The following ARHGEF4 variants were observed in gnomAD, a reference collection of about 807,000 sequenced individuals.
The protein encoded by ARHGEF4 is Rho guanine nucleotide exchange factor 4, also known as APC-stimulated guanine nucleotide exchange factor 1.
ARHGEF4 carries 119 observed loss-of-function variants against 162.0 expected under a neutral mutation model. The ratio of observed to expected loss-of-function variants is 0.73; its 90% CI spans 0.63 to 0.86. ARHGEF4 has a LOEUF of 0.86. Ranked by LOEUF, ARHGEF4 falls within the 40% of genes least tolerant of loss-of-function variation. The probability of loss-of-function intolerance (pLI) is 0.00; values close to 1 mark genes in which losing one functional copy is unlikely to be tolerated. For synonymous variants in ARHGEF4, 1,014 were observed against 979.9 expected (o/e 1.03, Z -0.65); for missense variants, 2,488 against 2,456.0 (o/e 1.01, Z -0.28).
chr2:130,947,284 C>T (rs1252437963), intron 4 of ARHGEF4: 1 of 152,182 alleles, frequency 6.6e-6, no homozygotes, highest in East Asian at 1.9e-4. Context: ...ATCTCAGCTA[C>T]TCAGAGGGAT....
At chr2:131,006,374 T>G (rs1381482706) in intron 4 of ARHGEF4, among the ~76,000 whole-genome samples, 2 of 152,186 alleles carry the variant, frequency 1.3e-5, no homozygotes, top group Non-Finnish European at 2.9e-5. Flanking sequence ...AGCCTCTAAA[T>G]GCAGGGTAAT....
At chr2:131,041,679 G>A (rs1558897706) in intron 9 of ARHGEF4, 136 bp from the exon 10 acceptor site, 1 of 1,283,044 alleles carries the variant, frequency 7.8e-7, no homozygotes, top group East Asian at 2.3e-5. Context: ...GAGAGGGGCT[G>A]TGCATCTGAT....
At chr2:130,893,327 C>A (rs1679968794) in intron 1 of ARHGEF4, among the ~76,000 whole-genome samples, 1 of 152,210 alleles carries the variant, frequency 6.6e-6, no homozygotes. Context: ...CTTGTCTGAG[C>A]CCCGTCCTGT....
rs886239736 is a variant in ARHGEF4 at position 130,859,329 on chromosome 2, A to G, written c.39+22337A>G. On this transcript the variant is annotated intron_variant, in intron 1 of 13. Transcript: ENST00000409359. ...CTTGAACTCAGGAAGCGGAGGTTGC[A>G]GTGAGCCATGATCGTGCCACTGTAC... is the stretch of plus-strand genomic sequence containing the variant. Among the ~76,000 whole-genome samples the G allele has an allele frequency of 2.6e-3, 198 of 75,520 alleles. 9 individuals carry two copies. The highest frequency in any genetic ancestry group is 6.4e-3 in the African/African-American group (195 of 30,354). The allele number at this position is 75,520 out of a possible 152,430, so 49.5% of individuals were successfully genotyped here. A position where few individuals can be genotyped will look rare whatever the true frequency, so the allele number is the denominator to read the frequency against.
At chr2:130,867,479 GCCCGCCTTAGCCT>G (rs1682369531) in intron 1 of ARHGEF4, among the ~76,000 whole-genome samples, 1 of 151,928 alleles carries the variant, frequency 6.6e-6, no homozygotes, top group Non-Finnish European at 1.5e-5. Context: ...CTCGTGATCT[GCCCGCCTTAGCCT>G]CCCAAAGTGC....
At chr2:130,837,089 C>T in intron 1 of ARHGEF4, 97 bp downstream of exon 1, 1 of 1,117,834 alleles carries the variant, frequency 8.9e-7, no homozygotes, top group East Asian at 3.3e-5. Flanking sequence ...CCCGGGCCGT[C>T]CCCTGGGCAC....
chr2:130,982,547 T>G (rs1686187694), intron 4 of ARHGEF4, among the ~76,000 whole-genome samples: 1 of 152,018 alleles, frequency 6.6e-6, no homozygotes, highest in African/African-American at 2.4e-5. Context: ...TTTTTCTTCC[T>G]TCTTTTTTCG....
chr2:130,895,684 G>A (rs1680111099), intron 1 of ARHGEF4, among the ~76,000 whole-genome samples: 1 of 151,858 alleles, frequency 6.6e-6, no homozygotes, highest in Admixed American at 6.5e-5. Context: ...GCTTTTTTTG[G>A]GTTGTTCATC....
At chr2:131,009,587 T>C (rs181955727) in intron 4 of ARHGEF4, among the ~76,000 whole-genome samples, 1 of 152,334 alleles carries the variant, frequency 6.6e-6, no homozygotes, top group Admixed American at 6.5e-5. Context: ...TATTCGTCTG[T>C]CTTCAAGCTG....
intron 1 of ARHGEF4, among the ~76,000 whole-genome samples, chr2:130,877,764 C>T (rs768372655): frequency 2.0e-5 from 3 of 152,202 alleles, no homozygotes; most frequent in African/African-American, 4.8e-5. Flanking sequence ...AACAACATAT[C>T]TCCCTTATTC....
At position 131,004,205 on chromosome 2, in the gene ARHGEF4, G is replaced by A. The variant is rs965648989; in HGVS notation, c.3986-23740G>A. Among the ~76,000 whole-genome samples, 7 of 152,090 alleles carry A rather than the reference G, an allele frequency of 4.6e-5. No homozygotes were observed. In the South Asian group the frequency reaches 6.2e-4, roughly 14 times the overall value. ...TTTTGAGACGGAGTCTCACTCTGTC[G>A]CTCGGGCTGGAGTGCAATGGCACGA... On this transcript the variant is annotated intron_variant, in intron 4 of 13. Transcript: ENST00000409359.
At chr2:130,840,192 A>G (rs1680510506) in intron 1 of ARHGEF4, among the ~76,000 whole-genome samples, 1 of 152,128 alleles carries the variant, frequency 6.6e-6, no homozygotes, top group Admixed American at 6.5e-5. Context: ...ACAGGCACAC[A>G]CACAGACACA....
intron 1 of ARHGEF4, among the ~76,000 whole-genome samples, chr2:130,853,866 T>C (rs1216017280): frequency 1.3e-5 from 2 of 152,122 alleles, no homozygotes; most frequent in East Asian, 1.9e-4. Flanking sequence ...CACAGAGATA[T>C]TGTAGTGAGC....
intron 1 of ARHGEF4, among the ~76,000 whole-genome samples, chr2:130,904,960 T>G (rs571789503): frequency 6.6e-6 from 1 of 152,184 alleles, no homozygotes; most frequent in Non-Finnish European, 1.5e-5. Context: ...TTGCCTGTAA[T>G]CCCAGCTATT....
At position 131,046,227 on chromosome 2, in the gene ARHGEF4, G is replaced by C. The variant is rs201900942; in HGVS notation, c.*38G>C. ...CTGACAGCACCTGCTGGGCCTTCCTGCCAGTGGCCCCCAGTTTTTCTTCCC... is the reference window on the plus strand; with the variant it reads ...CTGACAGCACCTGCTGGGCCTTCCTCCCAGTGGCCCCCAGTTTTTCTTCCC... On this transcript the variant is annotated 3_prime_UTR_variant, in exon 14 of 14. Transcript: ENST00000409359. 999 of 1,576,020 alleles carry C rather than the reference G, an allele frequency of 6.3e-4. 3 individuals carry two copies. The highest frequency in any genetic ancestry group is 4.2e-3 in the Middle Eastern group (25 of 5,966).
At chr2:131,040,577 C>A in intron 8 of ARHGEF4, 137 bp downstream of exon 8, 1 of 1,012,006 alleles carries the variant, frequency 9.9e-7, no homozygotes, top group Non-Finnish European at 1.4e-6. Flanking sequence ...CTATCTGCCC[C>A]GCTGCCCGCA....
Position 130,915,190 on chromosome 2 carries a change from C to T in ARHGEF4, c.1244C>T (p.Ser415Phe), listed in dbSNP as rs1431664367. The T allele has an allele frequency of 3.2e-5, 49 of 1,550,620 alleles. No individual in the cohort carries two copies. The highest frequency in any genetic ancestry group is 4.3e-5 in the Non-Finnish European group (49 of 1,147,006). ...KPGGFRLQRA[S>F]QDTPSAGLLG... ...GGTGGGTTTCGCTTGCAAAGGGCCT[C>T]TCAGGACACTCCTTCTGCAGGTCTC... The change falls in exon 2 of 14, where the codon TCT (serine) becomes TTT (phenylalanine). Residue 415 changes from serine (S) to phenylalanine (F), a missense_variant. Ser to Phe is a radical substitution (Grantham distance 155, BLOSUM62 -2). This residue lies in a region of ARHGEF4 where 1,642 missense variants were observed against 1,481.5 expected (regional missense o/e 1.11). Coordinates refer to ENST00000409359, the MANE Select transcript of ARHGEF4 (RefSeq NM_001367493.1).
At chr2:130,983,918 G>C (rs1181950904) in intron 4 of ARHGEF4, among the ~76,000 whole-genome samples, 1 of 152,044 alleles carries the variant, frequency 6.6e-6, no homozygotes, top group Admixed American at 6.6e-5. Flanking sequence ...CAAAGTGCTG[G>C]GATTACAGGC....
At chr2:131,034,867 T>G in intron 5 of ARHGEF4, 1 of 553,538 alleles carries the variant, frequency 1.8e-6, no homozygotes, top group Non-Finnish European at 2.3e-6. Flanking sequence ...CCTCTGAGCC[T>G]CTCCAGCCCG....
Sources: allele counts gnomAD v4.1 joint callset (sites outside exome capture counted in the v4.1 genomes callset), GRCh38; gene constraint gnomAD v4.1.1; regional missense constraint gnomAD v4.1.1; transcripts MANE v1.5; gene names NCBI Gene and HGNC (gene_info 2026-07-23, HGNC 2026-07-21).